The following GRIA3 variants were observed in gnomAD, a reference collection of about 807,000 sequenced individuals.
GRIA3 encodes the protein glutamate ionotropic receptor AMPA type subunit 3, also known as glutamate receptor 3.
In GRIA3, 3 loss-of-function variants were observed where a neutral mutation model predicts 63.0. The observed-to-expected ratio is 0.05, with a 90% CI of 0.02 to 0.12. The LOEUF (loss-of-function observed/expected upper bound fraction) is 0.12. Among genes scored for constraint, GRIA3 ranks in the 10% least tolerant of loss-of-function variants. GRIA3 has a pLI of 1.00. For synonymous variants in GRIA3, 274 were observed against 257.9 expected (o/e 1.06, Z -0.60); for missense variants, 347 against 700.9 (o/e 0.50, Z 5.70).
At chrX:123,338,907 G>T (rs548496651) in intron 4 of GRIA3, among the ~76,000 whole-genome samples, 25 of 112,371 alleles carry the variant, frequency 2.2e-4, no homozygotes, top group African/African-American at 7.4e-4. Context: ...CTAGGTACTG[G>T]AGGATTTATG....
chrX:123,446,147 C>G (rs917080696), intron 12 of GRIA3, among the ~76,000 whole-genome samples: 3 of 111,869 alleles, frequency 2.7e-5, no homozygotes, highest in African/African-American at 9.8e-5. Context: ...CTTCCTAATG[C>G]TGGGCTAAAT....
chrX:123,451,509 A>C (rs972442332), intron 12 of GRIA3, among the ~76,000 whole-genome samples: 1 of 73,565 alleles, frequency 1.4e-5, no homozygotes, highest in East Asian at 3.7e-4. Context: ...TGTCTCTAAA[A>C]AAAAAAAAAA....
chrX:123,193,396 C>T (rs1927490997), intron 2 of GRIA3, among the ~76,000 whole-genome samples: 1 of 112,083 alleles, frequency 8.9e-6, no homozygotes, highest in South Asian at 3.8e-4. Context: ...AGGAATGTAA[C>T]ATCTGCTCCT....
At chrX:123,430,988 AAAAAC>A (rs1166378619) in intron 12 of GRIA3, among the ~76,000 whole-genome samples, 2 of 103,343 alleles carry the variant, frequency 1.9e-5, no homozygotes, top group African/African-American at 3.5e-5. Context: ...TCTCAAAAAC[AAAAAC>A]AAAACAAAAC....
chrX:123,326,304 C>A, intron 4 of GRIA3, 91 bp downstream of exon 4: 1 of 711,296 alleles, frequency 1.4e-6, no homozygotes, highest in Non-Finnish European at 2.2e-6. Context: ...AAGTAGCCAA[C>A]AGACTAAACG....
chrX:123,341,856 G>A (rs2045010787), intron 4 of GRIA3, among the ~76,000 whole-genome samples: 1 of 111,977 alleles, frequency 8.9e-6, no homozygotes, highest in Non-Finnish European at 1.9e-5. Context: ...TGTTTTATTA[G>A]GAAACTTTCC....
intron 7 of GRIA3, among the ~76,000 whole-genome samples, chrX:123,400,608 C>T (rs907636209): frequency 1.8e-5 from 2 of 111,950 alleles, no homozygotes; most frequent in African/African-American, 6.5e-5. Context: ...TATTCTCTTC[C>T]TTCAAAAGAA....
chrX:123,469,369 CATG>C (rs2045850909), intron 13 of GRIA3, among the ~76,000 whole-genome samples: 1 of 111,829 alleles, frequency 8.9e-6, no homozygotes, highest in South Asian at 3.7e-4. Context: ...CGTAAATGTG[CATG>C]AGCTTAAACT....
chrX:123,371,767 T>C (rs764497926), intron 5 of GRIA3, among the ~76,000 whole-genome samples: 1 of 111,929 alleles, frequency 8.9e-6, no homozygotes, highest in East Asian at 2.8e-4. Context: ...TTATATGTTC[T>C]GATTATTAAT....
At chrX:123,390,212 T>C (rs1262454203) in intron 5 of GRIA3, among the ~76,000 whole-genome samples, 1 of 111,745 alleles carries the variant, frequency 8.9e-6, no homozygotes, top group African/African-American at 3.3e-5. Context: ...TCCTCATTTG[T>C]GTGTTTGCTC....
rs778151224 is a variant in GRIA3, at chrX:123,340,911, C to T, written c.697-13999C>T. Among the ~76,000 whole-genome samples the T allele has an allele frequency of 9.8e-4, 110 of 112,141 alleles. 1 individual carries two copies. Among genetic ancestry groups the T allele is most frequent in the Middle Eastern group, 4.6e-3 (1 of 218 alleles). On this transcript the variant is annotated intron_variant, in intron 4 of 15. Coordinates refer to ENST00000620443, the MANE Select transcript of GRIA3 (RefSeq NM_007325.5). The stretch of plus-strand genomic sequence containing the variant: ...ATGGGTGTTTCCCAGCGATGAAAAA[C>T]AACAGGGAGCCAGAGCTTTTTGTTT...
chrX:123,368,818 T>G lies in GRIA3; in HGVS notation c.750+13855T>G, dbSNP rs1411475191. 1.8e-5 allele frequency among the ~76,000 whole-genome samples: 2 copies of G among 110,170 alleles called. 1 individual carries two copies. The highest frequency in any genetic ancestry group is 3.8e-5 in the Non-Finnish European group (2 of 52,790). On this transcript the variant is annotated intron_variant, in intron 5 of 15. Coordinates refer to ENST00000620443, the MANE Select transcript of GRIA3 (RefSeq NM_007325.5). ...AAAAATTGGCCAAGAGCTAGGAAAC[T>G]CTAATAATTTAGCTAATCATTTAGC...
chrX:123,290,331 T>G lies in GRIA3; in HGVS notation c.509-35695T>G, dbSNP rs113476828. Among the ~76,000 whole-genome samples the G allele has an allele frequency of 4.6e-3, 510 of 111,952 alleles. 6 individuals carry two copies. Among genetic ancestry groups the G allele is most frequent in the African/African-American group, 0.015 (450 of 30,894 alleles). ...TGGTTTATTGTCAAGTTACAGCAAA[T>G]ATATATTTTGTGTCTTCTGGGCTAG... On this transcript the variant is annotated intron_variant, in intron 3 of 15. Transcript: ENST00000620443.
At chrX:123,457,609 A>G (rs1231553874) in intron 12 of GRIA3, among the ~76,000 whole-genome samples, 1 of 112,578 alleles carries the variant, frequency 8.9e-6, no homozygotes, top group Non-Finnish European at 1.9e-5. Flanking sequence ...GGGAATAGAG[A>G]TGTTACAAAC....
At chrX:123,488,334 G>A (rs1020143387) in intron 15 of GRIA3, among the ~76,000 whole-genome samples, 2 of 112,473 alleles carry the variant, frequency 1.8e-5, no homozygotes, top group African/African-American at 6.5e-5. Context: ...AATTCAGTAA[G>A]CCATAGAACA....
chrX:123,203,763 C>T (rs1927808765), intron 2 of GRIA3, among the ~76,000 whole-genome samples: 1 of 112,113 alleles, frequency 8.9e-6, no homozygotes, highest in Non-Finnish European at 1.9e-5. Flanking sequence ...AAAGTTTGGG[C>T]TCCAATATTA....
At chrX:123,461,946 G>C (rs149724415) in intron 12 of GRIA3, among the ~76,000 whole-genome samples, 1,745 of 111,675 alleles carry the variant, frequency 0.016, 20 homozygotes, top group Middle Eastern at 0.047. Flanking sequence ...ATAGAATGTA[G>C]AAGGAAACCC....
At chrX:123,418,107 T>A (rs902093474) in intron 11 of GRIA3, among the ~76,000 whole-genome samples, 1 of 111,915 alleles carries the variant, frequency 8.9e-6, no homozygotes, top group African/African-American at 3.2e-5. Flanking sequence ...ACAGACATGG[T>A]TTCCTAATTA....
At chrX:123,184,937 G>C (rs1428338648) in intron 1 of GRIA3, 1 of 435,622 alleles carries the variant, frequency 2.3e-6, no homozygotes, top group Non-Finnish European at 4.2e-6. Context: ...GCAGGAGGCT[G>C]GGATGCTGCA....
Sources: gnomAD v4.1 joint callset for allele counts (sites outside exome capture counted in the v4.1 genomes callset) on GRCh38, gnomAD v4.1.1 for gene constraint, MANE v1.5 for transcripts, NCBI Gene and HGNC (gene_info 2026-07-23, HGNC 2026-07-21) for gene names.